DMD: variants seen among roughly 807,000 people sequenced by gnomAD.
DMD encodes mutant dystrophin.
A neutral mutation model predicts 330.1 loss-of-function variants in DMD; 63 were observed. That is an observed-to-expected ratio of 0.19 (90% CI 0.16 to 0.24). The LOEUF (loss-of-function observed/expected upper bound fraction) is 0.24. DMD is among the 10% of genes least tolerant of loss of function. DMD has a pLI of 1.00. For missense variants in DMD, 3,344 were observed against 2,684.1 expected (o/e 1.25, Z -5.43); for synonymous variants, 1,223 against 959.8 (o/e 1.27, Z -5.07).
intron 54 of DMD, among the ~76,000 whole-genome samples, chrX:31,643,681 A>G (rs993457300): frequency 8.9e-6 from 1 of 112,056 alleles, no homozygotes; most frequent in African/African-American, 3.2e-5. Context: ...TAAAAATCTT[A>G]GTTCATCAAT....
At chrX:31,397,787 C>T (rs1173100334) in intron 60 of DMD, among the ~76,000 whole-genome samples, 2 of 111,811 alleles carry the variant, frequency 1.8e-5, no homozygotes, top group Non-Finnish European at 3.8e-5. Flanking sequence ...AGATCCCCAA[C>T]GGAGATGTGA....
chrX:33,030,691 G>A (rs1311013380), intron 1 of DMD, among the ~76,000 whole-genome samples: 1 of 111,337 alleles, frequency 9.0e-6, no homozygotes, highest in African/African-American at 3.3e-5. Flanking sequence ...TAACTACTTG[G>A]ATATTGTAGC....
chrX:32,573,897 T>C (rs1342959306), intron 13 of DMD, 51 bp from the exon 14 acceptor site: 27 of 1,060,466 alleles, frequency 2.5e-5, no homozygotes, highest in Non-Finnish European at 3.4e-5. Context: ...GGTAACTACG[T>C]TTTATTAAAA....
intron 30 of DMD, among the ~76,000 whole-genome samples, chrX:32,406,952 T>C (rs944956128): frequency 3.6e-5 from 4 of 111,422 alleles, no homozygotes; most frequent in African/African-American, 1.3e-4. Flanking sequence ...ATCCCTTCCT[T>C]ACACCTTATA....
rs766763583 is a variant in DMD at position 31,479,097 on chromosome X, T to G, written c.8554A>C (p.Lys2852Gln). 1 of 1,210,621 alleles carries G rather than the reference T, an allele frequency of 8.3e-7. No individual in the cohort carries two copies. Among genetic ancestry groups the G allele is most frequent in the East Asian group, 3.0e-5 (1 of 33,805 alleles). Residue 2852 changes from lysine (K) to glutamine (Q), a missense_variant, in exon 58 of 79, where the codon AAG becomes CAG. Physicochemically the swap from Lys to Gln is moderately conservative, Grantham distance 53. Coordinates refer to ENST00000357033, the MANE Select transcript of DMD (RefSeq NM_004006.3). Reference sequence around the variant, plus strand: ...GGTTCTTTAGTTTTCAATTCCCTCTTGAAGGCCTGTGAAATGAGATGAAAA... The same window carrying G: ...GGTTCTTTAGTTTTCAATTCCCTCTGGAAGGCCTGTGAAATGAGATGAAAA... ...QKQNDVHRAF[K>Q]RELKTKEPVI...
chrX:32,501,871 TC>T, intron 18 of DMD, 29 bp from the exon 19 acceptor site: 6 of 1,063,366 alleles, frequency 5.6e-6, no homozygotes, highest in Non-Finnish European at 7.8e-6. Flanking sequence ...GATGAGTAAT[TC>T]AATACAAGGA....
Position 33,204,222 on chromosome X carries a change from A to G in DMD, c.31+7060T>C, listed in dbSNP as rs748490129. ...TAAGGCTGTCCATTGATCTTAGTAT[A>G]AAGAGAAAAATAATTTCTATAACCT... On this transcript the variant is annotated intron_variant, in intron 1 of 78. Transcript: ENST00000357033. Among the ~76,000 whole-genome samples, 6 of 111,982 alleles carry G rather than the reference A, an allele frequency of 5.4e-5. No homozygotes were observed. In the East Asian group the frequency reaches 8.5e-4, roughly 16 times the overall value.
At chrX:32,113,388 T>C (rs1381951538) in intron 44 of DMD, among the ~76,000 whole-genome samples, 4 of 112,751 alleles carry the variant, frequency 3.5e-5, no homozygotes, top group African/African-American at 1.3e-4. Context: ...TAATTACACA[T>C]GGTATGCATG....
At chrX:32,814,907 A>C (rs1391318974) in intron 6 of DMD, among the ~76,000 whole-genome samples, 1 of 111,786 alleles carries the variant, frequency 8.9e-6, no homozygotes, top group Non-Finnish European at 1.9e-5. Flanking sequence ...AAATGTGTAC[A>C]TGAACAGCAA....
At position 32,764,175 on chromosome X, in the gene DMD, G is replaced by A. The variant is rs1385093371; in HGVS notation, c.649+45318C>T. On this transcript the variant is annotated intron_variant, in intron 7 of 78. Coordinates refer to ENST00000357033, the MANE Select transcript of DMD (RefSeq NM_004006.3). Reference sequence around the variant, plus strand: ...GAAAATATATACTCACAGACAATAGGCATACAATTGACAATTGAGCACAAC... The same window carrying A: ...GAAAATATATACTCACAGACAATAGACATACAATTGACAATTGAGCACAAC... Among the ~76,000 whole-genome samples the A allele has an allele frequency of 3.7e-5, 4 of 109,388 alleles. No homozygotes were observed. In the Admixed American group the frequency reaches 3.9e-4, roughly 11 times the overall value. 95.0% of individuals were successfully genotyped at this position (109,388 alleles called of 115,157 possible).
At chrX:31,530,421 G>A (rs2073647538) in intron 55 of DMD, among the ~76,000 whole-genome samples, 1 of 111,691 alleles carries the variant, frequency 9.0e-6, no homozygotes, top group African/African-American at 3.3e-5. Context: ...TAAGGGCTGG[G>A]ACCATATCTG....
intron 1 of DMD, among the ~76,000 whole-genome samples, chrX:33,263,390 T>C (rs893109584): frequency 2.8e-5 from 3 of 108,938 alleles, no homozygotes; most frequent in African/African-American, 1.0e-4. Context: ...ACATGCATCA[T>C]TTTAGATTCA....
chrX:31,504,344 C>G (rs894558260), intron 56 of DMD, among the ~76,000 whole-genome samples: 1 of 111,664 alleles, frequency 9.0e-6, no homozygotes, highest in African/African-American at 3.3e-5. Context: ...AGGGAAACTT[C>G]GAAATCATTT....
chrX:31,806,665 C>T (rs1052652755), intron 50 of DMD, among the ~76,000 whole-genome samples: 1 of 112,245 alleles, frequency 8.9e-6, no homozygotes, highest in East Asian at 2.8e-4. Flanking sequence ...TTTCTGCCCA[C>T]GCAGGTCTAT....
At chrX:32,437,469 C>T (rs981668169) in intron 29 of DMD, among the ~76,000 whole-genome samples, 35 of 111,963 alleles carry the variant, frequency 3.1e-4, no homozygotes, top group African/African-American at 9.1e-4. Flanking sequence ...TACTACCCCC[C>T]CTTATTCTCT....
chrX:32,138,220 C>T (rs752874830), intron 44 of DMD, among the ~76,000 whole-genome samples: 1 of 110,458 alleles, frequency 9.1e-6, no homozygotes, highest in East Asian at 2.9e-4. Flanking sequence ...CTACAGTGTA[C>T]CAATTCCTTT....
In DMD at chrX:32,697,901, G is replaced by A. The variant is rs2063773395; in HGVS notation, c.929C>T (p.Ser310Phe). 1 of 1,210,610 alleles carries A rather than the reference G, an allele frequency of 8.3e-7. No homozygotes were observed. Among genetic ancestry groups the A allele is most frequent in the Non-Finnish European group, 1.1e-6 (1 of 895,004 alleles). The change falls in exon 9 of 79, where the codon TCT becomes TTT. Residue 310 changes from serine to phenylalanine, a missense_variant. Ser to Phe is a radical substitution (Grantham distance 155). Transcript: ENST00000357033. ...AYTQAAYVTT[S>F]DPTRSPFPSQ... is the part of the protein sequence containing the mutation. ...AGGAAATGGGCTCCGTGTAGGGTCA[G>A]AGGTGGTGACATAAGCAGCCTGTGT...
rs2147260332 is a variant in DMD, at chrX:32,032,326, AG to A, written c.6439-63813del. Among the ~76,000 whole-genome samples the A allele has an allele frequency of 3.6e-5, 4 of 111,529 alleles. No individual in the cohort carries two copies. In the Admixed American group the frequency reaches 3.8e-4, roughly 11 times the overall value. On this transcript the variant is annotated intron_variant, in intron 44 of 78. Coordinates refer to ENST00000357033, the MANE Select transcript of DMD (RefSeq NM_004006.3). ...AAGTTCAATCTGGAATGTATATGCT[AG>A]TGATTTGTTAAACATGTAAAATTAA...
chrX:33,046,232 T>A (rs1270401395), intron 1 of DMD, among the ~76,000 whole-genome samples: 1 of 90,099 alleles, frequency 1.1e-5, no homozygotes, highest in Non-Finnish European at 2.2e-5. Context: ...TTCCTGAGAA[T>A]GGTATATTAA....
Sources: allele counts gnomAD v4.1 joint callset (sites outside exome capture counted in the v4.1 genomes callset), GRCh38; gene constraint gnomAD v4.1.1; transcripts MANE v1.5; gene names NCBI Gene and HGNC (gene_info 2026-07-23, HGNC 2026-07-21).